The following PLA2G10 variants were observed in gnomAD, a reference collection of about 807,000 sequenced individuals.
PLA2G10 encodes group 10 secretory phospholipase A2.
A neutral mutation model predicts 7.9 loss-of-function variants in PLA2G10; 9 were observed. The ratio of observed to expected loss-of-function variants is 1.14; its 90% CI spans 0.68 to 1.98. The LOEUF is 1.98. Among genes scored for constraint, PLA2G10 ranks in the 30% most tolerant of loss-of-function variants. PLA2G10 has a pLI of 0.00. For missense variants in PLA2G10, 53 were observed against 65.4 expected, an observed-to-expected ratio of 0.81 and a Z score of 0.66; for synonymous variants, 19 against 27.5, an observed-to-expected ratio of 0.69 and a Z score of 0.97.
At chr16:14,685,728 G>T (rs1429203185) in intron 3 of PLA2G10, among the ~76,000 whole-genome samples, 2 of 151,786 alleles carry the variant, frequency 1.3e-5, no homozygotes, top group African/African-American at 4.8e-5. Flanking sequence ...AGAGTCCCAC[G>T]CTGTCGCCCA....
chr16:14,675,152 CAA>C (rs1960691578), intron 3 of PLA2G10, among the ~76,000 whole-genome samples: 1 of 112,290 alleles, frequency 8.9e-6, no homozygotes, highest in African/African-American at 3.4e-5. Context: ...GCCTGGGCAA[CAA>C]GAGTGAAACT....
At chr16:14,686,256 G>T (rs1961059619) in intron 3 of PLA2G10, among the ~76,000 whole-genome samples, 1 of 151,696 alleles carries the variant, frequency 6.6e-6, no homozygotes, top group Non-Finnish European at 1.5e-5. Flanking sequence ...GAGATTACAG[G>T]AGTGAGCCAC....
chr16:14,678,438 G>T (rs1272876150), intron 3 of PLA2G10, among the ~76,000 whole-genome samples: 1 of 152,080 alleles, frequency 6.6e-6, no homozygotes, highest in Non-Finnish European at 1.5e-5. Context: ...CCCTCTCCTG[G>T]GTTTGTACCA....
intron 3 of PLA2G10, among the ~76,000 whole-genome samples, chr16:14,680,729 C>A (rs1352450434): frequency 2.6e-5 from 4 of 152,182 alleles, no homozygotes; most frequent in Non-Finnish European, 5.9e-5. Context: ...TCTCTCAACA[C>A]AATAGTTACA....
chr16:14,693,386 G>A lies in PLA2G10; in HGVS notation c.97+747C>T, dbSNP rs867568865. On this transcript the variant is annotated intron_variant, in intron 1 of 3. Coordinates refer to ENST00000438167, the MANE Select transcript of PLA2G10 (RefSeq NM_003561.3). The stretch of plus-strand genomic sequence containing the variant: ...TCTGAATTGTCCTGAGTGCTGTCTC[G>A]GGTATCCTTGAGCTGTGTGTGCGTG... Among the ~76,000 whole-genome samples the A allele has an allele frequency of 4.4e-3, 92 of 20,852 alleles. 26 individuals carry two copies. Among genetic ancestry groups the A allele is most frequent in the Non-Finnish European group, 4.1e-3 (39 of 9,610 alleles). 13.7% of individuals were successfully genotyped at this position (20,852 alleles called of 152,430 possible).
chr16:14,685,821 A>T (rs1027081064), intron 3 of PLA2G10, among the ~76,000 whole-genome samples: 1 of 151,536 alleles, frequency 6.6e-6, no homozygotes, highest in Non-Finnish European at 1.5e-5. Flanking sequence ...CAGCCTTCTT[A>T]GTAGCTGGAA....
At chr16:14,683,692 A>C (rs541978083) in intron 3 of PLA2G10, among the ~76,000 whole-genome samples, 2 of 152,266 alleles carry the variant, frequency 1.3e-5, no homozygotes, top group South Asian at 2.1e-4. Flanking sequence ...CAATGACCTA[A>C]ATATTAGAGT....
chr16:14,679,601 A>G (rs1043548245), intron 3 of PLA2G10, among the ~76,000 whole-genome samples: 1 of 151,488 alleles, frequency 6.6e-6, no homozygotes, highest in Non-Finnish European at 1.5e-5. Context: ...CGGAGGTTGC[A>G]GTGAGCCGAG....
intron 3 of PLA2G10, among the ~76,000 whole-genome samples, chr16:14,686,183 A>T (rs1961056430): frequency 6.6e-6 from 1 of 150,922 alleles, no homozygotes; most frequent in South Asian, 2.1e-4. Flanking sequence ...TTGTAGAGAT[A>T]GGGTTTCACC....
intron 3 of PLA2G10, among the ~76,000 whole-genome samples, chr16:14,685,646 A>C (rs1475138626): frequency 6.6e-6 from 1 of 152,100 alleles, no homozygotes; most frequent in Non-Finnish European, 1.5e-5. Flanking sequence ...GTATCACTGA[A>C]TTATACACTT....
At chr16:14,676,800 T>C (rs1960737062) in intron 3 of PLA2G10, among the ~76,000 whole-genome samples, 2 of 152,230 alleles carry the variant, frequency 1.3e-5, no homozygotes, top group Non-Finnish European at 2.9e-5. Context: ...CTTGGATGAA[T>C]TGATGTTGGT....
At chr16:14,673,016 C>CTTTTTTTTTTTTTTTTTT (rs1293093227) in intron 3 of PLA2G10, among the ~76,000 whole-genome samples, 2 of 128,562 alleles carry the variant, frequency 1.6e-5, no homozygotes, top group Non-Finnish European at 3.3e-5. Context: ...TTTTTCTTTT[C>CTTTTTTTTTTTTTTTTTT]TTTTTTTTTT....
At chr16:14,685,114 G>A (rs1289549698) in intron 3 of PLA2G10, among the ~76,000 whole-genome samples, 1 of 152,170 alleles carries the variant, frequency 6.6e-6, no homozygotes, top group Non-Finnish European at 1.5e-5. Flanking sequence ...GCTCACGCCT[G>A]TAATCACAGC....
At chr16:14,676,818 T>C (rs1960737433) in intron 3 of PLA2G10, among the ~76,000 whole-genome samples, 1 of 152,198 alleles carries the variant, frequency 6.6e-6, no homozygotes, top group Non-Finnish European at 1.5e-5. Context: ...GGTATTTTGA[T>C]AGGGATTGCA....
intron 3 of PLA2G10, among the ~76,000 whole-genome samples, chr16:14,680,585 T>C (rs1359553745): frequency 6.6e-6 from 1 of 152,006 alleles, no homozygotes; most frequent in African/African-American, 2.4e-5. Context: ...TGGTCTCAAA[T>C]TTCTGGGCTC....
chr16:14,685,004 C>T (rs575314943), intron 3 of PLA2G10, among the ~76,000 whole-genome samples: 6 of 152,092 alleles, frequency 3.9e-5, no homozygotes, highest in Non-Finnish European at 7.4e-5. Flanking sequence ...AATGGATAAA[C>T]GAAATGTGAT....
chr16:14,684,607 A>G (rs1960999359), intron 3 of PLA2G10, among the ~76,000 whole-genome samples: 1 of 152,124 alleles, frequency 6.6e-6, no homozygotes, highest in Non-Finnish European at 1.5e-5. Context: ...CAGAGGTTGT[A>G]GTGAGCCACG....
chr16:14,673,763 A>T (rs928798093), intron 3 of PLA2G10, among the ~76,000 whole-genome samples: 1 of 152,080 alleles, frequency 6.6e-6, no homozygotes, highest in Non-Finnish European at 1.5e-5. Context: ...TAGATGACAA[A>T]CCCATAGCCC....
At chr16:14,686,969 G>T (rs902984897) in intron 3 of PLA2G10, among the ~76,000 whole-genome samples, 1 of 151,958 alleles carries the variant, frequency 6.6e-6, no homozygotes, top group Non-Finnish European at 1.5e-5. Context: ...TTAGCCAGGT[G>T]TAGTGGCAGG....
Sources: gnomAD v4.1 joint callset for allele counts (sites outside exome capture counted in the v4.1 genomes callset) on GRCh38, gnomAD v4.1.1 for gene constraint, MANE v1.5 for transcripts, NCBI Gene and HGNC (gene_info 2026-07-23, HGNC 2026-07-21) for gene names.